Variants in PALLD observed in about 807,000 individuals in gnomAD.
PALLD encodes palladin, cytoskeletal associated protein.
A neutral mutation model predicts 123.5 loss-of-function variants in PALLD; 61 were observed. That is an observed-to-expected ratio of 0.49 (90% confidence interval 0.40 to 0.61). The LOEUF (loss-of-function observed/expected upper bound fraction) is 0.61, where lower values mean the gene tolerates loss of function less well. PALLD is among the 20% of genes least tolerant of loss of function. The probability of loss-of-function intolerance (pLI) is 0.00; values close to 1 mark genes in which losing one functional copy is unlikely to be tolerated. For synonymous variants in PALLD, 465 were observed against 496.4 expected (o/e 0.94, Z 0.84); for missense variants, 1,273 against 1,377.0 (o/e 0.92, Z 1.20).
At position 168,804,657 on chromosome 4, in the gene PALLD, C is replaced by T. The variant is rs569768640; in HGVS notation, c.1965-86265C>T. ...TCAGAGGCATGTACCCACACCTGAC[C>T]TACTATTAAGTAAGCATGGAAATTA... On this transcript the variant is annotated intron_variant, in intron 10 of 21. Coordinates refer to ENST00000505667, the MANE Select transcript of PALLD (RefSeq NM_001166108.2). Among the ~76,000 whole-genome samples the T allele has an allele frequency of 7.8e-4, 119 of 152,294 alleles. 1 individual carries two copies. The South Asian group carries it at 8.7e-3, about 11-fold the overall frequency.
intron 10 of PALLD, among the ~76,000 whole-genome samples, chr4:168,843,720 A>G (rs1746386294): frequency 6.6e-6 from 1 of 152,154 alleles, no homozygotes; most frequent in Non-Finnish European, 1.5e-5. Flanking sequence ...AATTGAATGC[A>G]AAGTATTCTG....
At chr4:168,806,985 G>T (rs137946007) in intron 10 of PALLD, among the ~76,000 whole-genome samples, 1 of 152,000 alleles carries the variant, frequency 6.6e-6, no homozygotes, top group Non-Finnish European at 1.5e-5. Context: ...TGCTAAACAC[G>T]TGCCCGGAGC....
chr4:168,744,049 G>A (rs553417449), intron 10 of PALLD, among the ~76,000 whole-genome samples: 2 of 152,236 alleles, frequency 1.3e-5, no homozygotes, highest in East Asian at 3.9e-4. Context: ...AAAGGGGTCG[G>A]GGGAGAGCAA....
intron 10 of PALLD, among the ~76,000 whole-genome samples, chr4:168,728,144 C>T (rs1433418456): frequency 6.6e-6 from 1 of 152,138 alleles, no homozygotes; most frequent in African/African-American, 2.4e-5. Context: ...TAATGTGATA[C>T]CTCCAACTTT....
Position 168,913,950 on chromosome 4 carries a change from G to A in PALLD, c.2646G>A (p.Arg882=). The A allele has an allele frequency of 6.2e-7, 1 of 1,612,582 alleles. No individual in the cohort carries two copies. Among genetic ancestry groups the A allele is most frequent in the Non-Finnish European group, 8.5e-7 (1 of 1,178,588 alleles). ...NPQGRISCTG[R]LMVQAVNQRG... ...AGGGCCGCATCAGTTGTACTGGACGGCTAATGGTACAGGCTGTCAACCAAA... is the reference window on the plus strand; with the variant it reads ...AGGGCCGCATCAGTTGTACTGGACGACTAATGGTACAGGCTGTCAACCAAA... The change falls in exon 16 of 22, where the codon CGG becomes CGA. Residue 882 remains arginine (R), a synonymous_variant. Coordinates refer to ENST00000505667, the MANE Select transcript of PALLD (RefSeq NM_001166108.2).
At chr4:168,639,442 C>A (rs1321147264) in intron 2 of PALLD, among the ~76,000 whole-genome samples, 1 of 152,052 alleles carries the variant, frequency 6.6e-6, no homozygotes, top group Non-Finnish European at 1.5e-5. Context: ...GCCCTTGCCA[C>A]AACAGTCTGA....
chr4:168,798,549 A>G (rs545012607), intron 10 of PALLD, among the ~76,000 whole-genome samples: 199 of 152,336 alleles, frequency 1.3e-3, no homozygotes, highest in African/African-American at 4.5e-3. Flanking sequence ...AGATAAAGAT[A>G]CAGATTTGCA....
At chr4:168,505,513 T>A (rs548237988) in intron 1 of PALLD, among the ~76,000 whole-genome samples, 1 of 152,378 alleles carries the variant, frequency 6.6e-6, no homozygotes, top group South Asian at 2.1e-4. Context: ...AACTCTGATT[T>A]CTGATCCACA....
intron 2 of PALLD, among the ~76,000 whole-genome samples, chr4:168,554,668 C>G (rs1477240706): frequency 1.3e-5 from 2 of 152,098 alleles, no homozygotes; most frequent in African/African-American, 2.4e-5. Flanking sequence ...TGTTATGGAG[C>G]AATTTGAAAG....
At chr4:168,533,639 G>C (rs1764817092) in intron 2 of PALLD, among the ~76,000 whole-genome samples, 1 of 152,136 alleles carries the variant, frequency 6.6e-6, no homozygotes, top group African/African-American at 2.4e-5. Flanking sequence ...TAAAGGGTCT[G>C]GCCTGTGGTC....
chr4:168,568,388 C>T (rs1379856465), intron 2 of PALLD, among the ~76,000 whole-genome samples: 1 of 152,018 alleles, frequency 6.6e-6, no homozygotes, highest in Non-Finnish European at 1.5e-5. Flanking sequence ...TTCTTGTTTT[C>T]ATGTACCTCT....
chr4:168,671,034 A>AAC (rs1554060644), intron 3 of PALLD, among the ~76,000 whole-genome samples: 1 of 151,424 alleles, frequency 6.6e-6, no homozygotes, highest in African/African-American at 2.4e-5. Flanking sequence ...AAGAAAAAAA[A>AAC]AATGTAAAAT....
At chr4:168,674,634 G>A (rs1780650120) in intron 3 of PALLD, among the ~76,000 whole-genome samples, 1 of 152,154 alleles carries the variant, frequency 6.6e-6, no homozygotes, top group African/African-American at 2.4e-5. Context: ...AAAACCACTG[G>A]GGTCAGCAAC....
In PALLD at chr4:168,709,050, C is replaced by T. The variant is rs367564484; in HGVS notation, c.1524C>T (p.Ile508=). ...CAGAGGAGATTTGCACCCTAGTTAT[C>T]GCTGAGACTTTCCCTGAAGATGCAG... ...AEPEEICTLV[I]AETFPEDAGI... Residue 508 remains isoleucine, a synonymous_variant, in exon 9 of 22, where the codon ATC becomes ATT. Coordinates refer to ENST00000505667, the MANE Select transcript of PALLD (RefSeq NM_001166108.2). 8.1e-5 allele frequency: 131 copies of T among 1,612,938 alleles called. 1 individual carries two copies. In the African/African-American group the frequency reaches 9.6e-4, roughly 12 times the overall value.
At chr4:168,593,707 A>T (rs962635166) in intron 2 of PALLD, among the ~76,000 whole-genome samples, 2 of 152,218 alleles carry the variant, frequency 1.3e-5, no homozygotes, top group Non-Finnish European at 2.9e-5. Context: ...AGTGAATTAC[A>T]GTGTACTTGA....
At position 168,711,631 on chromosome 4, in the gene PALLD, C is replaced by T; in HGVS notation, c.1672C>T (p.His558Tyr). Residue 558 changes from histidine (H) to tyrosine (Y), a missense_variant, in exon 10 of 22, where the codon CAC (histidine) becomes TAC (tyrosine). By Grantham distance (83) the His-to-Tyr change is moderately conservative. This residue lies in a region of PALLD where 944 missense variants were observed against 954.5 expected (regional missense o/e 0.99). Coordinates refer to ENST00000505667, the MANE Select transcript of PALLD (RefSeq NM_001166108.2). ...YESMGESNND[H>Y]FQHFPPPPPI... ...GTCAATGGGAGAATCCAACAATGACCACTTCCAACACTTTCCACCTCCCCC... is the reference window on the plus strand; with the variant it reads ...GTCAATGGGAGAATCCAACAATGACTACTTCCAACACTTTCCACCTCCCCC... 1 of 1,614,032 alleles carries T rather than the reference C, an allele frequency of 6.2e-7. No individual in the cohort carries two copies. The highest frequency in any genetic ancestry group is 8.5e-7 in the Non-Finnish European group (1 of 1,179,974).
chr4:168,570,266 A>G (rs964598121), intron 2 of PALLD, among the ~76,000 whole-genome samples: 1 of 152,192 alleles, frequency 6.6e-6, no homozygotes, highest in Non-Finnish European at 1.5e-5. Flanking sequence ...TGTCTTTGTA[A>G]ATGCTGAAAT....
chr4:168,766,256 T>TC (rs1733648596), intron 10 of PALLD, among the ~76,000 whole-genome samples: 1 of 152,232 alleles, frequency 6.6e-6, no homozygotes, highest in Non-Finnish European at 1.5e-5. Context: ...GCTACATTGC[T>TC]CCTAAGTTCC....
chr4:168,860,341 C>T (rs953388980), intron 10 of PALLD, among the ~76,000 whole-genome samples: 5 of 152,268 alleles, frequency 3.3e-5, no homozygotes, highest in Middle Eastern at 3.4e-3. Context: ...ACTCCCAGGT[C>T]TGGAGTCGGG....
Sources: allele counts gnomAD v4.1 joint callset (sites outside exome capture counted in the v4.1 genomes callset), GRCh38; gene constraint gnomAD v4.1.1; regional missense constraint gnomAD v4.1.1; transcripts MANE v1.5; gene names NCBI Gene and HGNC (gene_info 2026-07-23, HGNC 2026-07-21).